MEIKIN: variants seen among roughly 807,000 people sequenced by gnomAD.
MEIKIN encodes the protein meiotic kinetochore factor, also known as meiosis-specific kinetochore protein.
intron 6 of MEIKIN, among the ~76,000 whole-genome samples, chr5:131,919,442 A>G (rs1453345474): frequency 6.6e-6 from 1 of 152,244 alleles, no homozygotes; most frequent in African/African-American, 2.4e-5. Context: ...TCATTGCAGT[A>G]TTGTTGATGG....
chr5:131,863,228 T>C (rs932935939), intron 9 of MEIKIN, among the ~76,000 whole-genome samples: 1 of 152,180 alleles, frequency 6.6e-6, no homozygotes, highest in African/African-American at 2.4e-5. Flanking sequence ...CTGGAGAACG[T>C]CCCATGTGTA....
At chr5:131,922,595 G>A (rs796519002) in intron 5 of MEIKIN, among the ~76,000 whole-genome samples, 5 of 152,110 alleles carry the variant, frequency 3.3e-5, no homozygotes, top group African/African-American at 1.2e-4. Flanking sequence ...CAACCCCCAT[G>A]GATACCAAGG....
At chr5:131,871,335 G>C (rs979477158) in intron 9 of MEIKIN, among the ~76,000 whole-genome samples, 1 of 152,192 alleles carries the variant, frequency 6.6e-6, no homozygotes, top group African/African-American at 2.4e-5. Context: ...TTAAAAAACG[G>C]CACACCAGGA....
intron 8 of MEIKIN, among the ~76,000 whole-genome samples, chr5:131,887,368 A>C (rs1434759318): frequency 6.6e-6 from 1 of 152,152 alleles, no homozygotes; most frequent in Non-Finnish European, 1.5e-5. Context: ...TAAGGGGACC[A>C]CTGGGTCAAA....
At chr5:131,943,658 A>T (rs1474787203) in intron 3 of MEIKIN, among the ~76,000 whole-genome samples, 3 of 152,220 alleles carry the variant, frequency 2.0e-5, no homozygotes, top group Non-Finnish European at 4.4e-5. Flanking sequence ...ACAGAAATAT[A>T]TAAAAATTTT....
intron 11 of MEIKIN, among the ~76,000 whole-genome samples, chr5:131,841,891 T>C (rs1749921351): frequency 6.6e-6 from 1 of 152,252 alleles, no homozygotes; most frequent in African/African-American, 2.4e-5. Context: ...CTGATTTTTG[T>C]ATATTGACTT....
At chr5:131,872,563 G>A (rs1750525210) in intron 9 of MEIKIN, among the ~76,000 whole-genome samples, 1 of 152,172 alleles carries the variant, frequency 6.6e-6, no homozygotes, top group South Asian at 2.1e-4. Flanking sequence ...AACCAAGCTG[G>A]AAAACACTCT....
intron 9 of MEIKIN, among the ~76,000 whole-genome samples, chr5:131,859,180 C>T (rs1416244203): frequency 1.3e-5 from 2 of 152,162 alleles, no homozygotes; most frequent in Admixed American, 6.5e-5. Context: ...AATCTAAATG[C>T]CCATCAATGG....
chr5:131,930,774 A>G (rs551850398), intron 5 of MEIKIN, among the ~76,000 whole-genome samples: 1 of 152,076 alleles, frequency 6.6e-6, no homozygotes, highest in Admixed American at 6.6e-5. Flanking sequence ...GATTATAGGC[A>G]TGAGCCACTG....
At position 131,807,126 on chromosome 5, in the gene MEIKIN, G is replaced by T. The variant is rs1772860227; in HGVS notation, c.*110C>A. 2.5e-6 allele frequency: 1 copy of T among 397,102 alleles called. No homozygotes were observed. Among genetic ancestry groups the T allele is most frequent in the South Asian group, 1.3e-4 (1 of 7,606 alleles). 24.6% of individuals were successfully genotyped at this position (397,102 alleles called of 1,614,324 possible). On this transcript the variant is annotated 3_prime_UTR_variant, in exon 13 of 13. Transcript: ENST00000442687. ...TAGAGATATATCACAAATAACTGGA[G>T]AATTTTTAATTTTTAATTTCATATA...
intron 11 of MEIKIN, among the ~76,000 whole-genome samples, chr5:131,850,199 A>G (rs983050872): frequency 1.3e-5 from 2 of 152,204 alleles, no homozygotes; most frequent in Non-Finnish European, 2.9e-5. Flanking sequence ...TAAATAAATG[A>G]AAACACATCC....
chr5:131,890,912 T>G (rs1442877796), intron 8 of MEIKIN, among the ~76,000 whole-genome samples: 1 of 152,242 alleles, frequency 6.6e-6, no homozygotes, highest in Admixed American at 6.5e-5. Flanking sequence ...GTCTGGTATT[T>G]TGTGTCTTTG....
rs1469136473 is a variant in MEIKIN at position 131,911,883 on chromosome 5, T to C, written c.639-4A>G. ...TTGATCTGCTACTGTCATCACTCTA[T>C]AACAAGAACAAACTGTTTAGTGGTA... On this transcript the variant is annotated splice_region_variant and splice_polypyrimidine_tract_variant and intron_variant, in intron 7 of 12. Transcript: ENST00000442687. The C allele has an allele frequency of 5.0e-6, 2 of 397,608 alleles. No homozygotes were observed. Among genetic ancestry groups the C allele is most frequent in the Non-Finnish European group, 8.9e-6 (2 of 225,144 alleles). The allele number at this position is 397,608 out of a possible 1,614,324, so 24.6% of individuals were successfully genotyped here. A position where few individuals can be genotyped will look rare whatever the true frequency, so the allele number is the denominator to read the frequency against.
At chr5:131,854,668 T>C (rs1203564877) in intron 10 of MEIKIN, 86 bp downstream of exon 10, 1 of 394,894 alleles carries the variant, frequency 2.5e-6, no homozygotes, top group Admixed American at 4.4e-5. Flanking sequence ...CCATAGGCAA[T>C]ATTTCCCTGA....
chr5:131,943,850 G>C (rs1412117728), intron 3 of MEIKIN, among the ~76,000 whole-genome samples: 1 of 152,114 alleles, frequency 6.6e-6, no homozygotes, highest in East Asian at 1.9e-4. Flanking sequence ...AGGTGTGATG[G>C]CTCAAGCCTG....
At chr5:131,889,120 A>G (rs1300851735) in intron 8 of MEIKIN, among the ~76,000 whole-genome samples, 1 of 152,074 alleles carries the variant, frequency 6.6e-6, no homozygotes, top group Non-Finnish European at 1.5e-5. Flanking sequence ...GTAGCCTTGT[A>G]GTATAGTTTG....
At chr5:131,905,534 A>G (rs1010743755) in intron 8 of MEIKIN, among the ~76,000 whole-genome samples, 9 of 152,130 alleles carry the variant, frequency 5.9e-5, no homozygotes, top group Non-Finnish European at 1.2e-4. Flanking sequence ...CTGATAGACC[A>G]CTAGCTAGAT....
chr5:131,912,168 G>C (rs1276696649), intron 7 of MEIKIN, among the ~76,000 whole-genome samples: 1 of 151,976 alleles, frequency 6.6e-6, no homozygotes, highest in Non-Finnish European at 1.5e-5. Flanking sequence ...ACTCACACTT[G>C]GGTGGCCTTT....
At position 131,818,812 on chromosome 5, in the gene MEIKIN, T is replaced by C. The variant is rs1773147953; in HGVS notation, c.1027A>G (p.Thr343Ala). Residue 343 changes from threonine to alanine, a missense_variant, in exon 12 of 13, where the codon ACT becomes GCT. Transcript: ENST00000442687. ...ACACCTTTATTTTTCACTTGTCTAG[T>C]TCCTGGTGATGTTCTAATAATACAA... ...ICCIIRTSPG[T>A]RQVKNKGVIV... The C allele has an allele frequency of 5.0e-6, 2 of 398,210 alleles. No homozygotes were observed. Among genetic ancestry groups the C allele is most frequent in the Non-Finnish European group, 8.9e-6 (2 of 225,830 alleles). The allele number at this position is 398,210 out of a possible 1,614,324, so 24.7% of individuals were successfully genotyped here.
Sources: allele counts gnomAD v4.1 joint callset (sites outside exome capture counted in the v4.1 genomes callset), GRCh38; gene constraint gnomAD v4.1.1; transcripts MANE v1.5; gene names NCBI Gene and HGNC (gene_info 2026-07-23, HGNC 2026-07-21).